DMD: variants seen among roughly 807,000 people sequenced by gnomAD.
DMD encodes the protein dystrophin.
In DMD, 63 loss-of-function variants were observed where a neutral mutation model predicts 330.1. The observed-to-expected ratio is 0.19, with a 90% confidence interval of 0.16 to 0.24. The LOEUF (loss-of-function observed/expected upper bound fraction) is 0.24. DMD is among the 10% of genes least tolerant of loss of function. The pLI is 1.00. For missense variants in DMD, 3,344 were observed against 2,684.1 expected (o/e 1.25, Z -5.43); for synonymous variants, 1,223 against 959.8 (o/e 1.27, Z -5.07).
intron 44 of DMD, among the ~76,000 whole-genome samples, chrX:32,155,160 T>A (rs1417542416): frequency 9.0e-6 from 1 of 110,904 alleles, no homozygotes; most frequent in Non-Finnish European, 1.9e-5. Flanking sequence ...CCCAGCTTTT[T>A]ATTCTGCCTC....
At chrX:32,957,139 G>A (rs2091641963) in intron 2 of DMD, among the ~76,000 whole-genome samples, 1 of 111,413 alleles carries the variant, frequency 9.0e-6, no homozygotes, top group African/African-American at 3.3e-5. Context: ...TACTTTTAGT[G>A]TCAACAAAGA....
At chrX:33,322,130 C>A (rs1312264309) in intron 1 of DMD, among the ~76,000 whole-genome samples, 1 of 111,261 alleles carries the variant, frequency 9.0e-6, no homozygotes, top group Non-Finnish European at 1.9e-5. Context: ...CTTTTAATTT[C>A]CTTCAATAAT....
chrX:32,829,462 C>A lies in DMD; in HGVS notation c.265-6075G>T, dbSNP rs182683569. Among the ~76,000 whole-genome samples the A allele has an allele frequency of 3.6e-5, 4 of 111,272 alleles. No homozygotes were observed. In the Admixed American group the frequency reaches 3.8e-4, roughly 11 times the overall value. ...CATTTCTTCTGTATCTGCTGTCATG[C>A]GTCTTTTCTCATTTATCTCGTCTAG... On this transcript the variant is annotated intron_variant, in intron 4 of 78. Coordinates refer to ENST00000357033, the MANE Select transcript of DMD (RefSeq NM_004006.3).
At chrX:32,925,541 G>A (rs1170744229) in intron 2 of DMD, among the ~76,000 whole-genome samples, 1 of 110,949 alleles carries the variant, frequency 9.0e-6, no homozygotes. Context: ...TGAACTACAT[G>A]AAACTGTCAC....
intron 1 of DMD, among the ~76,000 whole-genome samples, chrX:33,092,127 T>G (rs1431438924): frequency 1.8e-5 from 2 of 111,503 alleles, no homozygotes; most frequent in African/African-American, 3.3e-5. Flanking sequence ...CAATTAAGCC[T>G]TTGCAAGTGA....
intron 50 of DMD, among the ~76,000 whole-genome samples, chrX:31,817,690 G>A (rs888567363): frequency 1.8e-5 from 2 of 111,374 alleles, no homozygotes; most frequent in African/African-American, 6.5e-5. Context: ...GGAGGACATA[G>A]GAGAAGACAA....
chrX:32,846,974 C>G (rs373593786), intron 3 of DMD, among the ~76,000 whole-genome samples: 1 of 109,452 alleles, frequency 9.1e-6, no homozygotes, highest in East Asian at 2.9e-4. Flanking sequence ...GTCGCTGACT[C>G]CAGCCTGGGC....
rs778235186 is a variant in DMD at position 32,970,590 on chromosome X, C to T, written c.93+49549G>A. Among the ~76,000 whole-genome samples the T allele has an allele frequency of 5.4e-5, 5 of 92,588 alleles. 2 individuals carry two copies. The highest frequency in any genetic ancestry group is 1.0e-4 in the Non-Finnish European group (5 of 48,994). The allele number at this position is 92,588 out of a possible 115,157, so 80.4% of individuals were successfully genotyped here. On this transcript the variant is annotated intron_variant, in intron 2 of 78. Coordinates refer to ENST00000357033, the MANE Select transcript of DMD (RefSeq NM_004006.3). The stretch of plus-strand genomic sequence containing the variant: ...CGGAGGTTGCAGTGAGCCAAGATGG[C>T]GCCACTGCACTCCAGCCTGGGTGAC...
intron 11 of DMD, among the ~76,000 whole-genome samples, chrX:32,630,307 G>C (rs1295292876): frequency 2.7e-5 from 3 of 110,901 alleles, no homozygotes; most frequent in Non-Finnish European, 5.7e-5. Flanking sequence ...AGACATACTG[G>C]AGCTATTTCT....
At chrX:31,548,542 G>A (rs2074283336) in intron 55 of DMD, among the ~76,000 whole-genome samples, 1 of 108,335 alleles carries the variant, frequency 9.2e-6, no homozygotes, top group South Asian at 4.0e-4. Context: ...TGGAAATTAT[G>A]TAGCTTTTTC....
chrX:31,229,050 T>C (rs1181192787), intron 63 of DMD, among the ~76,000 whole-genome samples: 2 of 112,282 alleles, frequency 1.8e-5, no homozygotes, highest in African/African-American at 3.2e-5. Flanking sequence ...CCCCTTTGTT[T>C]AGTCTATGCA....
chrX:31,132,900 A>T (rs1374364565), intron 77 of DMD, among the ~76,000 whole-genome samples: 1 of 111,077 alleles, frequency 9.0e-6, no homozygotes, highest in Admixed American at 9.6e-5. Flanking sequence ...AAGACAGATA[A>T]GATTTTTATC....
At position 31,774,178 on chromosome X, in the gene DMD, C is replaced by T. The variant is rs2090516362; in HGVS notation, c.7324G>A (p.Val2442Ile). ...ACCACAGGTTGTGTCACCAGAGTAA[C>T]AGTCTGAGTAGGAGCTAAAATATTT... is the stretch of plus-strand genomic sequence containing the variant. Reference protein sequence around the residue: ...TTIGASPTQTVTLVTQPVVTK... With the variant: ...TTIGASPTQTITLVTQPVVTK... Residue 2442 changes from valine (V) to isoleucine (I), a missense_variant, in exon 51 of 79, where the codon GTT (valine) becomes ATT (isoleucine). Transcript: ENST00000357033. The T allele has an allele frequency of 1.7e-6, 2 of 1,205,466 alleles. No individual in the cohort carries two copies. Among genetic ancestry groups the T allele is most frequent in the Non-Finnish European group, 2.2e-6 (2 of 890,703 alleles).
intron 43 of DMD, among the ~76,000 whole-genome samples, chrX:32,258,365 G>A (rs1024419111): frequency 5.4e-5 from 6 of 111,580 alleles, no homozygotes; most frequent in East Asian, 2.8e-4. Context: ...ACATGCACAC[G>A]TATGTTTATT....
At chrX:31,642,948 A>T (rs1285057153) in intron 54 of DMD, among the ~76,000 whole-genome samples, 1 of 112,128 alleles carries the variant, frequency 8.9e-6, no homozygotes, top group Non-Finnish European at 1.9e-5. Context: ...TGCGGTGTAT[A>T]TCAAATTGTT....
chrX:31,621,656 T>C (rs890859920), intron 55 of DMD, among the ~76,000 whole-genome samples: 1 of 111,904 alleles, frequency 8.9e-6, no homozygotes, highest in Non-Finnish European at 1.9e-5. Context: ...AAGAGTAAAA[T>C]TGGGACTCAG....
At position 32,683,996 on chromosome X, in the gene DMD, AAC is replaced by A. The variant is rs751597257; in HGVS notation, c.960+13872_960+13873del. 6.2e-4 allele frequency among the ~76,000 whole-genome samples: 62 copies of A among 100,404 alleles called. No homozygotes were observed. In the East Asian group the frequency reaches 8.1e-3, roughly 13 times the overall value. The allele number at this position is 100,404 out of a possible 115,157, so 87.2% of individuals were successfully genotyped here. A position where few individuals can be genotyped will look rare whatever the true frequency, so the allele number is the denominator to read the frequency against. On this transcript the variant is annotated intron_variant, in intron 9 of 78. Coordinates refer to ENST00000357033, the MANE Select transcript of DMD (RefSeq NM_004006.3). ...AAGTGAAATGTTATAGCACATACAA[AAC>A]ACACACACACACACATACATACACA...
intron 55 of DMD, among the ~76,000 whole-genome samples, chrX:31,611,933 T>C (rs1398982848): frequency 9.0e-6 from 1 of 111,480 alleles, no homozygotes; most frequent in Non-Finnish European, 1.9e-5. Flanking sequence ...GATATTTTGA[T>C]ATAGGCCTAC....
chrX:33,097,156 G>C (rs771209141), intron 1 of DMD, among the ~76,000 whole-genome samples: 1 of 110,939 alleles, frequency 9.0e-6, no homozygotes, highest in African/African-American at 3.3e-5. Context: ...CATAAACTAT[G>C]ATTCTTAGAC....
Sources: allele counts gnomAD v4.1 joint callset (sites outside exome capture counted in the v4.1 genomes callset), GRCh38; gene constraint gnomAD v4.1.1; transcripts MANE v1.5; gene names NCBI Gene and HGNC (gene_info 2026-07-23, HGNC 2026-07-21).